Variants in TRAPPC9 observed in about 807,000 individuals in gnomAD.
TRAPPC9 encodes the protein trafficking protein particle complex subunit 9, also known as IKK2 binding protein.
In TRAPPC9, 83 loss-of-function variants were observed where a neutral mutation model predicts 124.0. The ratio of observed to expected loss-of-function variants is 0.67; its 90% CI spans 0.56 to 0.80. TRAPPC9 has a LOEUF of 0.80. TRAPPC9 is among the 30% of genes least tolerant of loss of function. The pLI, the probability that TRAPPC9 is intolerant of heterozygous loss-of-function variation, is 0.00. For missense variants in TRAPPC9, 1,302 were observed against 1,508.3 expected, an observed-to-expected ratio of 0.86 and a Z score of 2.27; for synonymous variants, 638 against 617.5, an observed-to-expected ratio of 1.03 and a Z score of -0.49.
chr8:140,244,866 G>A (rs2063943170), intron 16 of TRAPPC9, among the ~76,000 whole-genome samples: 1 of 146,858 alleles, frequency 6.8e-6, no homozygotes, highest in Non-Finnish European at 1.5e-5. Context: ...GAGTGCAGTG[G>A]CGCAATCTCG....
At chr8:140,250,714 T>C (rs1290363665) in intron 16 of TRAPPC9, among the ~76,000 whole-genome samples, 1 of 152,184 alleles carries the variant, frequency 6.6e-6, no homozygotes, top group African/African-American at 2.4e-5. Flanking sequence ...CTTAGAGATT[T>C]GCTGTCTCTT....
At chr8:140,066,842 G>T (rs1036220356) in intron 17 of TRAPPC9, among the ~76,000 whole-genome samples, 1 of 152,218 alleles carries the variant, frequency 6.6e-6, no homozygotes, top group Non-Finnish European at 1.5e-5. Flanking sequence ...CACAAAGCAT[G>T]CCTGATGAAG....
At chr8:139,974,895 C>T (rs576564184) in intron 19 of TRAPPC9, among the ~76,000 whole-genome samples, 3 of 152,122 alleles carry the variant, frequency 2.0e-5, no homozygotes, top group Admixed American at 6.5e-5. Flanking sequence ...GGGGCTGTAG[C>T]TCTGCCGAGG....
intron 21 of TRAPPC9, among the ~76,000 whole-genome samples, chr8:139,736,009 G>A (rs748180568): frequency 2.3e-4 from 35 of 152,224 alleles, no homozygotes; most frequent in Middle Eastern, 3.2e-3. Context: ...CTTTGCCTCT[G>A]ACTTCCCTTC....
At chr8:140,076,920 C>A (rs908917634) in intron 17 of TRAPPC9, among the ~76,000 whole-genome samples, 2 of 152,146 alleles carry the variant, frequency 1.3e-5, no homozygotes, top group Non-Finnish European at 1.5e-5. Context: ...AATCCCAGCA[C>A]TTTGGGAGGC....
At chr8:140,271,914 T>C (rs144713718) in intron 15 of TRAPPC9, among the ~76,000 whole-genome samples, 1 of 151,992 alleles carries the variant, frequency 6.6e-6, no homozygotes, top group Non-Finnish European at 1.5e-5. Context: ...GCAGTGGTGG[T>C]GGTGGTAGTG....
At chr8:140,456,822 G>A (rs902832388) in intron 1 of TRAPPC9, 2 of 985,310 alleles carry the variant, frequency 2.0e-6, no homozygotes, top group African/African-American at 1.7e-5. Flanking sequence ...CTTGCTTCCA[G>A]CGTTTTAATT....
At chr8:140,277,728 C>A (rs1040983518) in intron 14 of TRAPPC9, among the ~76,000 whole-genome samples, 1 of 152,198 alleles carries the variant, frequency 6.6e-6, no homozygotes, top group Non-Finnish European at 1.5e-5. Flanking sequence ...AGCAGGGACC[C>A]CACTCCAGCC....
chr8:139,985,903 A>T (rs963865131), intron 19 of TRAPPC9, among the ~76,000 whole-genome samples: 4 of 152,262 alleles, frequency 2.6e-5, no homozygotes, highest in African/African-American at 9.6e-5. Flanking sequence ...GCTGATTTTT[A>T]AAGTTTTAAA....
intron 21 of TRAPPC9, among the ~76,000 whole-genome samples, chr8:139,855,581 C>G (rs1005941200): frequency 6.6e-6 from 1 of 152,196 alleles, no homozygotes; most frequent in African/African-American, 2.4e-5. Context: ...AGATAAGATT[C>G]CCTGGAAGGT....
At chr8:140,286,178 A>T (rs1305298178) in intron 13 of TRAPPC9, among the ~76,000 whole-genome samples, 2 of 152,234 alleles carry the variant, frequency 1.3e-5, no homozygotes, top group Non-Finnish European at 2.9e-5. Flanking sequence ...TCGATGGGAC[A>T]CAGGCAAAGC....
At chr8:140,299,897 C>T (rs557124608) in intron 11 of TRAPPC9, among the ~76,000 whole-genome samples, 5 of 152,294 alleles carry the variant, frequency 3.3e-5, no homozygotes, top group South Asian at 2.1e-4. Context: ...GAACATAACA[C>T]GATTACCTCA....
At position 139,962,881 on chromosome 8, in the gene TRAPPC9, A is replaced by G. The variant is rs1290191645; in HGVS notation, c.2810+25845T>C. 3.3e-5 allele frequency among the ~76,000 whole-genome samples: 5 copies of G among 151,386 alleles called. 1 individual carries two copies. The highest frequency in any genetic ancestry group is 7.4e-5 in the Non-Finnish European group (5 of 67,764). On this transcript the variant is annotated intron_variant, in intron 19 of 22. Transcript: ENST00000438773. Reference sequence around the variant, plus strand: ...GAGGCTGGAGGGAGGCTGGGCCATGAGCCAAGGAGTGCAGGGGCCTCAGGA... The same window carrying G: ...GAGGCTGGAGGGAGGCTGGGCCATGGGCCAAGGAGTGCAGGGGCCTCAGGA...
In TRAPPC9 at chr8:139,728,597, G is replaced by C. The variant is rs1817665637; in HGVS notation, c.*2464C>G. ...GAAATGCCAGCAAACAACACCCCTG[G>C]CTCCCCACATCCCACGGTAAAGCTC... On this transcript the variant is annotated 3_prime_UTR_variant, in exon 23 of 23. Coordinates refer to ENST00000438773, the MANE Select transcript of TRAPPC9 (RefSeq NM_001160372.4). Among the ~76,000 whole-genome samples, 1 of 152,120 alleles carries C rather than the reference G, an allele frequency of 6.6e-6. No individual in the cohort carries two copies. The highest frequency in any genetic ancestry group is 1.5e-5 in the Non-Finnish European group (1 of 68,020).
upstream of TRAPPC9, chr8:140,458,555 C>G (rs752743701): frequency 2.2e-5 from 34 of 1,577,616 alleles, no homozygotes; most frequent in Admixed American, 8.9e-5. Context: ...TGATCCCCAG[C>G]TGGCACCATG....
chr8:139,932,306 C>T (rs1328905341), intron 19 of TRAPPC9: 1 of 457,772 alleles, frequency 2.2e-6, no homozygotes, highest in South Asian at 1.5e-5. Flanking sequence ...GTCCCCACCT[C>T]GTGGATGTCA....
rs192605132 is a variant in TRAPPC9, at chr8:140,290,925, A to C, written c.1854+68T>G. 46 of 1,306,474 alleles carry C rather than the reference A, an allele frequency of 3.5e-5. No homozygotes were observed. In the East Asian group the frequency reaches 7.4e-4, roughly 21 times the overall value. The allele number at this position is 1,306,474 out of a possible 1,614,324, so 80.9% of individuals were successfully genotyped here. Reference sequence around the variant, plus strand: ...CGTAAGATGTGTGCCTCAGACATTAAGTAAAACCTACTTTAATGAGAAGTT... The same window carrying C: ...CGTAAGATGTGTGCCTCAGACATTACGTAAAACCTACTTTAATGAGAAGTT... On this transcript the variant is annotated intron_variant, in intron 12 of 22. Transcript: ENST00000438773.
At chr8:140,392,964 T>C (rs1194012246) in intron 7 of TRAPPC9, among the ~76,000 whole-genome samples, 2 of 152,240 alleles carry the variant, frequency 1.3e-5, no homozygotes, top group Admixed American at 1.3e-4. Context: ...GCACTTTATA[T>C]GCATTATTCT....
intron 14 of TRAPPC9, among the ~76,000 whole-genome samples, chr8:140,281,051 T>C (rs920048131): frequency 5.3e-5 from 8 of 152,196 alleles, no homozygotes; most frequent in Non-Finnish European, 1.2e-4. Flanking sequence ...CTGATGGCCA[T>C]CTGGGCCCTT....
Sources: allele counts gnomAD v4.1 joint callset (sites outside exome capture counted in the v4.1 genomes callset), GRCh38; gene constraint gnomAD v4.1.1; transcripts MANE v1.5; gene names NCBI Gene and HGNC (gene_info 2026-07-23, HGNC 2026-07-21).